The following FER variants were observed in gnomAD, a reference collection of about 807,000 sequenced individuals.
The protein encoded by FER is FER tyrosine kinase.
Under a neutral mutation model 111.0 loss-of-function variants are expected in FER, and 63 were observed. That is an observed-to-expected ratio of 0.57 (90% CI 0.46 to 0.70). The LOEUF (loss-of-function observed/expected upper bound fraction) is 0.70. Ranked by LOEUF, FER falls within the 30% of genes least tolerant of loss-of-function variation. The probability of loss-of-function intolerance (pLI) is 0.00; values close to 1 mark genes in which losing one functional copy is unlikely to be tolerated. For missense variants in FER, 914 were observed against 954.0 expected (o/e 0.96, Z 0.55); for synonymous variants, 327 against 313.9 (o/e 1.04, Z -0.44).
At chr5:108,910,436 C>T (rs1221097530) in intron 10 of FER, among the ~76,000 whole-genome samples, 2 of 152,052 alleles carry the variant, frequency 1.3e-5, no homozygotes, top group Non-Finnish European at 2.9e-5. Flanking sequence ...CATAATTTCC[C>T]TATTCTTTGG....
chr5:108,834,425 C>T (rs1270381866), intron 4 of FER, among the ~76,000 whole-genome samples: 4 of 152,210 alleles, frequency 2.6e-5, no homozygotes, highest in South Asian at 2.1e-4. Context: ...TGGCTGGGTG[C>T]GGTGGCTCAT....
rs188324862 is a variant in FER, at chr5:108,933,308, A to T, written c.1237-12822A>T. The stretch of plus-strand genomic sequence containing the variant: ...AAGGGGTCCAGTTTTAGTTTTCTGC[A>T]TATGGCTAGCCAGTTTTCCCAACAC... On this transcript the variant is annotated intron_variant, in intron 10 of 19. Coordinates refer to ENST00000281092, the MANE Select transcript of FER (RefSeq NM_005246.4). Among the ~76,000 whole-genome samples, 469 of 152,348 alleles carry T rather than the reference A, an allele frequency of 3.1e-3. 4 individuals carry two copies. The highest frequency in any genetic ancestry group is 0.011 in the African/African-American group (437 of 41,586).
rs145854136 is a variant in FER at position 109,020,682 on chromosome 5, C to T, written c.1657-16740C>T. Among the ~76,000 whole-genome samples the T allele has an allele frequency of 4.0e-3, 605 of 152,134 alleles. 4 individuals are homozygous for T. Among genetic ancestry groups the T allele is most frequent in the African/African-American group, 0.014 (572 of 41,534 alleles). On this transcript the variant is annotated intron_variant, in intron 13 of 19. Coordinates refer to ENST00000281092, the MANE Select transcript of FER (RefSeq NM_005246.4). ...TATCCCCTTGTGAACTTTTGGCACA[C>T]ACTTCGCGGCCGAGCTTTGCCTTAT...
intron 1 of FER, among the ~76,000 whole-genome samples, chr5:108,766,281 T>G (rs922381689): frequency 6.6e-6 from 1 of 152,188 alleles, no homozygotes; most frequent in African/African-American, 2.4e-5. Flanking sequence ...ATTTTATCGT[T>G]TTATATAACA....
chr5:109,108,604 A>AT (rs1344647169), intron 17 of FER, among the ~76,000 whole-genome samples: 2 of 152,164 alleles, frequency 1.3e-5, no homozygotes, highest in Admixed American at 1.3e-4. Context: ...CAGGAGATCA[A>AT]TCTCAGTACA....
At chr5:108,986,554 T>C (rs902449487) in intron 13 of FER, among the ~76,000 whole-genome samples, 5 of 152,184 alleles carry the variant, frequency 3.3e-5, no homozygotes, top group Admixed American at 6.5e-5. Context: ...TCTGATGTTA[T>C]CTTTTAGTAT....
intron 4 of FER, among the ~76,000 whole-genome samples, chr5:108,834,591 G>T (rs1760411908): frequency 6.6e-6 from 1 of 151,838 alleles, no homozygotes; most frequent in Non-Finnish European, 1.5e-5. Flanking sequence ...CCAGCCACTT[G>T]GGAGGCTGAG....
intron 10 of FER, among the ~76,000 whole-genome samples, chr5:108,916,444 C>A (rs1017785067): frequency 6.6e-6 from 1 of 151,790 alleles, no homozygotes; most frequent in Non-Finnish European, 1.5e-5. Flanking sequence ...ATTTGGGTAC[C>A]CCCCCGACCC....
chr5:109,019,204 C>T (rs549189889), intron 13 of FER, among the ~76,000 whole-genome samples: 1 of 151,634 alleles, frequency 6.6e-6, no homozygotes, highest in African/African-American at 2.4e-5. Flanking sequence ...TGGAACTCTT[C>T]AGTTTTATAC....
At chr5:108,999,386 A>G (rs996072475) in intron 13 of FER, among the ~76,000 whole-genome samples, 4 of 152,264 alleles carry the variant, frequency 2.6e-5, no homozygotes, top group Admixed American at 1.3e-4. Context: ...AACTGTTTTT[A>G]ATTTTTAAAT....
At chr5:108,862,709 G>A (rs1763647990) in intron 5 of FER, among the ~76,000 whole-genome samples, 3 of 152,022 alleles carry the variant, frequency 2.0e-5, no homozygotes, top group Admixed American at 2.0e-4. Flanking sequence ...TGTGGACTGT[G>A]GAAAGTGTCT....
rs147422912 is a variant in FER, at chr5:108,805,329, G to T, written c.207+6940G>T. Among the ~76,000 whole-genome samples the T allele has an allele frequency of 1.5e-3, 236 of 152,292 alleles. 1 individual carries two copies. The highest frequency in any genetic ancestry group is 5.4e-3 in the African/African-American group (226 of 41,564). ...CCTCCCCAGCCATGTGGAACTGTAA[G>T]TTCAGTTAAATCTCTTTCTTTTGTA... On this transcript the variant is annotated intron_variant, in intron 3 of 19. Coordinates refer to ENST00000281092, the MANE Select transcript of FER (RefSeq NM_005246.4).
At chr5:109,022,818 G>A (rs991054266) in intron 13 of FER, among the ~76,000 whole-genome samples, 1 of 152,162 alleles carries the variant, frequency 6.6e-6, no homozygotes, top group African/African-American at 2.4e-5. Flanking sequence ...ATAACCAGAT[G>A]CTTCATCTGC....
intron 5 of FER, chr5:108,841,868 T>C (rs528977606): frequency 1.3e-4 from 54 of 414,988 alleles, no homozygotes; most frequent in African/African-American, 1.1e-3. Context: ...TAAATTATGT[T>C]GTAAGTACCT....
At chr5:109,018,156 A>T (rs1186012832) in intron 13 of FER, among the ~76,000 whole-genome samples, 1 of 151,830 alleles carries the variant, frequency 6.6e-6, no homozygotes, top group Non-Finnish European at 1.5e-5. Context: ...GAGACATAAG[A>T]AGGAAAAAAT....
At chr5:108,750,694 C>T (rs1750384821) in intron 1 of FER, among the ~76,000 whole-genome samples, 1 of 152,154 alleles carries the variant, frequency 6.6e-6, no homozygotes, top group Non-Finnish European at 1.5e-5. Flanking sequence ...ATTTCATCTT[C>T]GATGTAGATG....
chr5:108,908,797 C>T (rs1751150464), intron 10 of FER, among the ~76,000 whole-genome samples: 1 of 151,796 alleles, frequency 6.6e-6, no homozygotes, highest in Non-Finnish European at 1.5e-5. Context: ...TCTGTACTTT[C>T]AGAGGCCAAG....
chr5:108,963,337 C>T (rs920171470), intron 13 of FER, among the ~76,000 whole-genome samples: 41 of 151,892 alleles, frequency 2.7e-4, no homozygotes, highest in Non-Finnish European at 8.8e-5. Context: ...CTGAGGTGGG[C>T]GGATTGCTTG....
intron 13 of FER, among the ~76,000 whole-genome samples, chr5:108,960,476 A>G (rs926438746): frequency 6.6e-6 from 1 of 151,764 alleles, no homozygotes; most frequent in Non-Finnish European, 1.5e-5. Flanking sequence ...TTCATTTTCT[A>G]CCCTTAATTA....
Sources: allele counts gnomAD v4.1 joint callset (sites outside exome capture counted in the v4.1 genomes callset), GRCh38; gene constraint gnomAD v4.1.1; transcripts MANE v1.5; gene names NCBI Gene and HGNC (gene_info 2026-07-23, HGNC 2026-07-21).